OSBPL11: variants seen among roughly 807,000 people sequenced by gnomAD.
The protein encoded by OSBPL11 is oxysterol binding protein like 11.
OSBPL11 carries 33 observed loss-of-function variants against 84.4 expected under a neutral mutation model. The ratio of observed to expected loss-of-function variants is 0.39; its 90% confidence interval spans 0.30 to 0.52. The LOEUF (loss-of-function observed/expected upper bound fraction) is 0.52. OSBPL11 is among the 20% of genes least tolerant of loss of function. OSBPL11 has a pLI of 0.72. For missense variants in OSBPL11, 736 were observed against 901.1 expected (o/e 0.82, Z 2.35); for synonymous variants, 276 against 310.2 (o/e 0.89, Z 1.16).
At chr3:125,587,343 C>T (rs1936528991) in intron 1 of OSBPL11, among the ~76,000 whole-genome samples, 1 of 152,144 alleles carries the variant, frequency 6.6e-6, no homozygotes, top group South Asian at 2.1e-4. Flanking sequence ...TTTGTTCCAA[C>T]TTAAGATGTT....
intron 8 of OSBPL11, among the ~76,000 whole-genome samples, chr3:125,558,441 C>A (rs968892945): frequency 1.5e-4 from 23 of 152,054 alleles, no homozygotes; most frequent in African/African-American, 5.6e-4. Flanking sequence ...ATAATGAAAG[C>A]TTTATGGGTT....
chr3:125,549,853 G>A (rs1321180647), intron 9 of OSBPL11, among the ~76,000 whole-genome samples: 1 of 152,012 alleles, frequency 6.6e-6, no homozygotes, highest in African/African-American at 2.4e-5. Flanking sequence ...GATTCTTACT[G>A]TTACATGAAC....
intron 11 of OSBPL11, among the ~76,000 whole-genome samples, chr3:125,535,439 CTTTTTTTTT>C (rs763678488): frequency 8.3e-5 from 7 of 84,282 alleles, no homozygotes; most frequent in African/African-American, 1.4e-4. Context: ...TCAGAAGCAT[CTTTTTTTTT>C]TTTTTTTTTT....
rs139257950 is a variant in OSBPL11, at chr3:125,574,728, G to A, written c.666+1461C>T. On this transcript the variant is annotated intron_variant, in intron 5 of 12. Coordinates refer to ENST00000296220, the MANE Select transcript of OSBPL11 (RefSeq NM_022776.5). Reference sequence around the variant, plus strand: ...TCCCAATACTTTTCTGATGACACTGGGGATGTTAATAAATATGAATTTTAC... The same window carrying A: ...TCCCAATACTTTTCTGATGACACTGAGGATGTTAATAAATATGAATTTTAC... Among the ~76,000 whole-genome samples, 17 of 152,060 alleles carry A rather than the reference G, an allele frequency of 1.1e-4. No homozygotes were observed. The East Asian group carries it at 3.1e-3, about 28-fold the overall frequency.
chr3:125,582,437 G>A (rs946907463), intron 2 of OSBPL11, among the ~76,000 whole-genome samples: 1 of 152,132 alleles, frequency 6.6e-6, no homozygotes. Context: ...CGTTTAATAT[G>A]CCTGCCCCAC....
rs1333037441 is a variant in OSBPL11 at position 125,576,316 on chromosome 3, T to C, written c.539A>G (p.Asn180Ser). Residue 180 changes from asparagine (N) to serine (S), a missense_variant, in exon 5 of 13, where the codon AAT (asparagine) becomes AGT (serine). Physicochemically the swap from Asn to Ser is conservative, Grantham distance 46 (BLOSUM62 1). Around this residue, in one of 3 missense-constraint regions of OSBPL11, gnomAD observed 579 missense variants for 717.6 expected, o/e 0.81. Transcript: ENST00000296220. ...SRSFSLASSS[N>S]SPISQRRPSQ... ...TGGTCTCCTCTGCGATATAGGAGAA[T>C]TACTACTAGATGCAAGTGAGAAGCT... The C allele has an allele frequency of 6.2e-7, 1 of 1,607,780 alleles. No homozygotes were observed. The highest frequency in any genetic ancestry group is 8.5e-7 in the Non-Finnish European group (1 of 1,178,196).
Position 125,530,273 on chromosome 3 carries a change from G to C in OSBPL11, c.*242C>G, listed in dbSNP as rs1935537545. 2 of 469,890 alleles carry C rather than the reference G, an allele frequency of 4.3e-6. No homozygotes were observed. The highest frequency in any genetic ancestry group is 3.7e-5 in the South Asian group (1 of 27,084). The allele number at this position is 469,890 out of a possible 1,614,324, so 29.1% of individuals were successfully genotyped here. The stretch of plus-strand genomic sequence containing the variant: ...GATAAAAGATTCATCTACTGATTCA[G>C]GTAACAAGTTTTAAGATGGTATTGC... On this transcript the variant is annotated 3_prime_UTR_variant, in exon 13 of 13. Coordinates refer to ENST00000296220, the MANE Select transcript of OSBPL11 (RefSeq NM_022776.5).
At chr3:125,557,937 C>T (rs1021779397) in intron 8 of OSBPL11, among the ~76,000 whole-genome samples, 3 of 151,410 alleles carry the variant, frequency 2.0e-5, no homozygotes, top group Admixed American at 6.6e-5. Flanking sequence ...GGACTGCAGT[C>T]GTGCACCACC....
At chr3:125,538,764 T>A in intron 10 of OSBPL11, 131 bp from the exon 11 acceptor site, 1 of 656,934 alleles carries the variant, frequency 1.5e-6, no homozygotes, top group Non-Finnish European at 2.5e-6. Context: ...AATATGTCAG[T>A]GCCAAAGTTA....
At chr3:125,564,161 C>G (rs1314549326) in intron 6 of OSBPL11, among the ~76,000 whole-genome samples, 3 of 152,142 alleles carry the variant, frequency 2.0e-5, no homozygotes, top group Admixed American at 2.0e-4. Context: ...TTGTCTTTGT[C>G]CCTCTACTGA....
chr3:125,575,096 T>C (rs1210187915), intron 5 of OSBPL11, among the ~76,000 whole-genome samples: 1 of 152,206 alleles, frequency 6.6e-6, no homozygotes, highest in Non-Finnish European at 1.5e-5. Flanking sequence ...TTTCATCCTG[T>C]AGTTCAACTA....
chr3:125,535,723 C>T (rs114547355), intron 11 of OSBPL11, among the ~76,000 whole-genome samples: 10,089 of 151,634 alleles, frequency 0.067, 455 homozygotes, highest in Non-Finnish European at 0.098. Context: ...GACACACCCG[C>T]CTTGGCCTTC....
chr3:125,578,411 T>C (rs1212422880), intron 4 of OSBPL11, among the ~76,000 whole-genome samples: 1 of 151,884 alleles, frequency 6.6e-6, no homozygotes. Context: ...GGATTTTTTA[T>C]TTTTTTTGTG....
In OSBPL11 at chr3:125,530,591, TA is replaced by T. The variant is rs1354436432; in HGVS notation, c.2179-12del. 1 of 1,605,922 alleles carries T rather than the reference TA, an allele frequency of 6.2e-7. No individual in the cohort carries two copies. Among genetic ancestry groups the T allele is most frequent in the Non-Finnish European group, 8.5e-7 (1 of 1,172,746 alleles). On this transcript the variant is annotated splice_polypyrimidine_tract_variant and intron_variant, in intron 12 of 12. Coordinates refer to ENST00000296220, the MANE Select transcript of OSBPL11 (RefSeq NM_022776.5). ...AACCCAGCCATCTCCCTGAAACAAA[TA>T]AAAAGATAAAGAATCATCCCTCTAA... is the stretch of plus-strand genomic sequence containing the variant.
intron 1 of OSBPL11, among the ~76,000 whole-genome samples, chr3:125,592,656 ATATAC>A (rs1467853969): frequency 6.6e-6 from 1 of 152,170 alleles, no homozygotes. Flanking sequence ...GTTTCATTGT[ATATAC>A]TCATCCCTTT....
At position 125,576,348 on chromosome 3, in the gene OSBPL11, C is replaced by G. The variant is rs1559845882; in HGVS notation, c.507G>C (p.Lys169Asn). The G allele has an allele frequency of 1.3e-6, 2 of 1,583,718 alleles. No individual in the cohort carries two copies. Among genetic ancestry groups the G allele is most frequent in the East Asian group, 4.6e-5 (2 of 43,606 alleles). Residue 169 changes from lysine to asparagine, a missense_variant, in exon 5 of 13, where the codon AAG (lysine) becomes AAC (asparagine). Physicochemically the swap from Lys to Asn is moderately conservative, Grantham distance 94 (BLOSUM62 0). Coordinates refer to ENST00000296220, the MANE Select transcript of OSBPL11 (RefSeq NM_022776.5). ...EAIGKNNPPLKSRSFSLASSS... is the reference protein window; with the variant it reads ...EAIGKNNPPLNSRSFSLASSS... ...TAGATGCAAGTGAGAAGCTCCGTGA[C>G]TTCAGAGGAGGATTATTCTGTTAGA... is the stretch of plus-strand genomic sequence containing the variant.
chr3:125,577,131 T>C (rs1379193084), intron 4 of OSBPL11, among the ~76,000 whole-genome samples: 1 of 152,204 alleles, frequency 6.6e-6, no homozygotes, highest in Non-Finnish European at 1.5e-5. Flanking sequence ...TTGTGTTGGA[T>C]TTCCTGAAGA....
chr3:125,547,997 C>A (rs1471498730), intron 9 of OSBPL11, among the ~76,000 whole-genome samples: 1 of 152,148 alleles, frequency 6.6e-6, no homozygotes, highest in Admixed American at 6.5e-5. Flanking sequence ...CTGCCTCAGC[C>A]TCCCAAGTAG....
chr3:125,583,069 T>C (rs1327495581), intron 1 of OSBPL11, 91 bp from the exon 2 acceptor site: 6 of 813,272 alleles, frequency 7.4e-6, no homozygotes, highest in Non-Finnish European at 9.6e-6. Context: ...TGCAGATACA[T>C]ATATGCTCTA....
Sources: allele counts gnomAD v4.1 joint callset (sites outside exome capture counted in the v4.1 genomes callset), GRCh38; gene constraint gnomAD v4.1.1; regional missense constraint gnomAD v4.1.1; transcripts MANE v1.5; gene names NCBI Gene and HGNC (gene_info 2026-07-23, HGNC 2026-07-21).